Variants in CAMK4 observed in about 807,000 individuals in gnomAD.
The protein encoded by CAMK4 is calcium/calmodulin-dependent protein kinase type IV.
CAMK4 carries 22 observed loss-of-function variants against 44.9 expected under a neutral mutation model. The ratio of observed to expected loss-of-function variants is 0.49; its 90% CI spans 0.35 to 0.70. CAMK4 has a LOEUF of 0.70. Among genes scored for constraint, CAMK4 ranks in the 30% least tolerant of loss-of-function variants. The pLI, the probability that CAMK4 is intolerant of heterozygous loss-of-function variation, is 0.01. For missense variants in CAMK4, 498 were observed against 586.8 expected (o/e 0.85, Z 1.56); for synonymous variants, 218 against 215.4 (o/e 1.01, Z -0.11).
At chr5:111,300,060 CT>C (rs1747656469) in intron 1 of CAMK4, among the ~76,000 whole-genome samples, 1 of 152,160 alleles carries the variant, frequency 6.6e-6, no homozygotes. Context: ...CTCTTGCCTT[CT>C]TTGTCACTTT....
chr5:111,273,676 T>TA (rs1750612845), intron 1 of CAMK4, among the ~76,000 whole-genome samples: 4 of 80,012 alleles, frequency 5.0e-5, no homozygotes, highest in Non-Finnish European at 7.3e-5. Context: ...AAAAAATGCA[T>TA]TTATATATAT....
chr5:111,393,302 C>A (rs1751877071), intron 4 of CAMK4, among the ~76,000 whole-genome samples: 1 of 152,096 alleles, frequency 6.6e-6, no homozygotes, highest in South Asian at 2.1e-4. Context: ...AAAAATTCAA[C>A]CTGAGTCTAA....
chr5:111,266,800 A>G (rs907734584), intron 1 of CAMK4, among the ~76,000 whole-genome samples: 2 of 152,216 alleles, frequency 1.3e-5, no homozygotes, highest in East Asian at 3.8e-4. Context: ...TGCTAAATCT[A>G]TTGGTTGTGT....
intron 5 of CAMK4, among the ~76,000 whole-genome samples, chr5:111,437,426 T>C (rs1333513284): frequency 6.6e-6 from 1 of 152,226 alleles, no homozygotes; most frequent in East Asian, 1.9e-4. Flanking sequence ...AATGCATAGT[T>C]AGTGTTAGGC....
In CAMK4 at chr5:111,489,148, C is replaced by T. The variant is rs1755729222; in HGVS notation, c.*4682C>T. On this transcript the variant is annotated 3_prime_UTR_variant, in exon 11 of 11. Coordinates refer to ENST00000282356, the MANE Select transcript of CAMK4 (RefSeq NM_001744.6). ...ATTGGTATTACAATATTCATAACCA[C>T]ATGATAAACAGAAATGTACCCAATA... is the stretch of plus-strand genomic sequence containing the variant. 6.6e-6 allele frequency: 1 copy of T among 152,144 alleles called. No homozygotes were observed. Among genetic ancestry groups the T allele is most frequent in the Non-Finnish European group, 1.5e-5 (1 of 68,004 alleles). The allele number at this position is 152,144 out of a possible 1,614,324, so 9.4% of individuals were successfully genotyped here. A position where few individuals can be genotyped will look rare whatever the true frequency, so the allele number is the denominator to read the frequency against.
chr5:111,439,900 A>G (rs1753767876), intron 5 of CAMK4, among the ~76,000 whole-genome samples: 1 of 152,222 alleles, frequency 6.6e-6, no homozygotes, highest in African/African-American at 2.4e-5. Flanking sequence ...ATGTAGTCAG[A>G]TGTCTTTGGG....
intron 9 of CAMK4, among the ~76,000 whole-genome samples, chr5:111,479,908 C>A (rs1379480397): frequency 6.6e-6 from 1 of 152,146 alleles, no homozygotes; most frequent in Admixed American, 6.6e-5. Flanking sequence ...TCCTATCTGA[C>A]CTCCCTGCCT....
At chr5:111,469,170 A>ATATATATATAT (rs1754968216) in intron 7 of CAMK4, among the ~76,000 whole-genome samples, 1 of 29,000 alleles carries the variant, frequency 3.4e-5, no homozygotes, top group African/African-American at 1.3e-4. Flanking sequence ...AAAAAAAAAA[A>ATATATATATAT]AAATATATAT....
intron 7 of CAMK4, among the ~76,000 whole-genome samples, chr5:111,468,147 C>A (rs1754913457): frequency 6.6e-6 from 1 of 151,996 alleles, no homozygotes; most frequent in Non-Finnish European, 1.5e-5. Flanking sequence ...ACAAATGATA[C>A]AAATGGACTT....
intron 2 of CAMK4, among the ~76,000 whole-genome samples, chr5:111,348,468 C>T (rs1483235377): frequency 2.6e-5 from 4 of 151,800 alleles, no homozygotes; most frequent in African/African-American, 9.7e-5. Context: ...GATAAATTAA[C>T]AGGTAATTAT....
chr5:111,230,950 A>G (rs982406781), intron 1 of CAMK4, among the ~76,000 whole-genome samples: 6 of 152,182 alleles, frequency 3.9e-5, no homozygotes, highest in African/African-American at 7.2e-5. Flanking sequence ...GCAAGGAACC[A>G]TGTAATTCAG....
intron 1 of CAMK4, among the ~76,000 whole-genome samples, chr5:111,322,846 GA>G (rs773978102): frequency 2.6e-5 from 4 of 152,022 alleles, no homozygotes; most frequent in Non-Finnish European, 5.9e-5. Context: ...TTTTAGAATT[GA>G]AAAGTACATT....
Position 111,446,753 on chromosome 5 carries a change from C to A in CAMK4, c.527C>A (p.Ala176Asp). 1 of 1,606,244 alleles carries A rather than the reference C, an allele frequency of 6.2e-7. No individual in the cohort carries two copies. Among genetic ancestry groups the A allele is most frequent in the Non-Finnish European group, 8.5e-7 (1 of 1,173,010 alleles). ...KPENLLYATP[A>D]PDAPLKIADF... is the part of the protein sequence containing the mutation. ...GAGAATCTTCTTTATGCAACTCCAG[C>A]CCCAGATGCACCACTCAAAATCGGT... The change falls in exon 6 of 11, where the codon GCC becomes GAC. Residue 176 changes from alanine to aspartate, a missense_variant. Physicochemically the swap from Ala to Asp is moderately radical, Grantham distance 126. Coordinates refer to ENST00000282356, the MANE Select transcript of CAMK4 (RefSeq NM_001744.6).
chr5:111,268,480 A>C (rs918967806), intron 1 of CAMK4, among the ~76,000 whole-genome samples: 2 of 152,236 alleles, frequency 1.3e-5, no homozygotes, highest in Non-Finnish European at 2.9e-5. Context: ...TTTCCAGCCA[A>C]GGAATGATCC....
At chr5:111,287,263 T>C (rs905319639) in intron 1 of CAMK4, among the ~76,000 whole-genome samples, 12 of 152,144 alleles carry the variant, frequency 7.9e-5, no homozygotes, top group African/African-American at 2.9e-4. Flanking sequence ...CAGCTCATGC[T>C]AAGGTGATAG....
chr5:111,458,594 C>T (rs1259820816), intron 7 of CAMK4, among the ~76,000 whole-genome samples: 1 of 151,924 alleles, frequency 6.6e-6, no homozygotes, highest in East Asian at 1.9e-4. Flanking sequence ...AACAACAATA[C>T]ACATGTAAAA....
rs546523884 is a variant in CAMK4, at chr5:111,272,875, C to T, written c.161+48231C>T. Among the ~76,000 whole-genome samples the T allele has an allele frequency of 2.9e-4, 44 of 152,172 alleles. No individual in the cohort carries two copies. The South Asian group carries it at 7.9e-3, about 27-fold the overall frequency. On this transcript the variant is annotated intron_variant, in intron 1 of 10. Transcript: ENST00000282356. ...TTTGCTAGGACTATCGATACCCAGT[C>T]GTCAGATTATTTACATTATTTTCCA... is the stretch of plus-strand genomic sequence containing the variant.
At chr5:111,316,982 G>A (rs893128887) in intron 1 of CAMK4, among the ~76,000 whole-genome samples, 4 of 152,040 alleles carry the variant, frequency 2.6e-5, no homozygotes, top group Non-Finnish European at 4.4e-5. Flanking sequence ...ATAGGAATTC[G>A]TCTTGAAATT....
chr5:111,454,305 T>G (rs999650902), intron 7 of CAMK4, among the ~76,000 whole-genome samples: 1 of 152,140 alleles, frequency 6.6e-6, no homozygotes, highest in Non-Finnish European at 1.5e-5. Flanking sequence ...TGTGAGAGAC[T>G]GGGTGTTTAT....
Sources: allele counts gnomAD v4.1 joint callset (sites outside exome capture counted in the v4.1 genomes callset), GRCh38; gene constraint gnomAD v4.1.1; transcripts MANE v1.5; gene names NCBI Gene and HGNC (gene_info 2026-07-23, HGNC 2026-07-21).